ZNF385B: variants seen among roughly 807,000 people sequenced by gnomAD.
The protein encoded by ZNF385B is zinc finger protein 385B.
ZNF385B carries 23 observed loss-of-function variants against 39.2 expected under a neutral mutation model. The ratio of observed to expected loss-of-function variants is 0.59; its 90% CI spans 0.42 to 0.83. The LOEUF (loss-of-function observed/expected upper bound fraction) is 0.83. Among genes scored for constraint, ZNF385B ranks in the 40% least tolerant of loss-of-function variants. ZNF385B has a pLI of 0.00. For synonymous variants in ZNF385B, 205 were observed against 222.6 expected (o/e 0.92, Z 0.70); for missense variants, 552 against 598.9 (o/e 0.92, Z 0.82).
chr2:179,858,738 C>G (rs1684796317), intron 1 of ZNF385B, among the ~76,000 whole-genome samples: 1 of 152,122 alleles, frequency 6.6e-6, no homozygotes, highest in African/African-American at 2.4e-5. Flanking sequence ...CAGACACACA[C>G]TCCCTGTTCT....
chr2:179,658,709 C>A (rs766601415), intron 3 of ZNF385B, among the ~76,000 whole-genome samples: 101 of 152,306 alleles, frequency 6.6e-4, no homozygotes, highest in South Asian at 1.2e-3. Context: ...GTAAAAGTAT[C>A]ATTTAAGCTA....
At position 179,828,643 on chromosome 2, in the gene ZNF385B, G is replaced by C. The variant is rs189775365; in HGVS notation, c.-155+32458C>G. Among the ~76,000 whole-genome samples the C allele has an allele frequency of 4.5e-3, 682 of 152,188 alleles. 4 individuals carry two copies. Among genetic ancestry groups the C allele is most frequent in the Admixed American group, 0.012 (191 of 15,296 alleles). ...AAAGGGAAGATTTGGATAAGAAAAG[G>C]CTCCTGGTTTTCATGAAGTTTGAGA... On this transcript the variant is annotated intron_variant, in intron 1 of 9. Transcript: ENST00000410066.
At position 179,680,511 on chromosome 2, in the gene ZNF385B, G is replaced by A. The variant is rs1016089634; in HGVS notation, c.298+88992C>T. Among the ~76,000 whole-genome samples, 13 of 152,162 alleles carry A rather than the reference G, an allele frequency of 8.5e-5. No homozygotes were observed. The South Asian group carries it at 1.0e-3, about 12-fold the overall frequency. Reference sequence around the variant, plus strand: ...GTTATTGGTTTATAACAGAGCATACGGGGACCTTCTGATTGCTGGTAATGT... The same window carrying A: ...GTTATTGGTTTATAACAGAGCATACAGGGACCTTCTGATTGCTGGTAATGT... On this transcript the variant is annotated intron_variant, in intron 3 of 9. Transcript: ENST00000410066.
chr2:179,626,663 T>C (rs1337137027), intron 3 of ZNF385B, among the ~76,000 whole-genome samples: 3 of 152,148 alleles, frequency 2.0e-5, no homozygotes, highest in African/African-American at 4.8e-5. Flanking sequence ...AATTCAGTAA[T>C]CTTGAAAACT....
At chr2:179,676,271 G>A (rs895001850) in intron 3 of ZNF385B, among the ~76,000 whole-genome samples, 1 of 151,924 alleles carries the variant, frequency 6.6e-6, no homozygotes, top group Non-Finnish European at 1.5e-5. Flanking sequence ...TGTATTTTTA[G>A]TAGAGATGGG....
At chr2:179,443,508 G>C in intron 9 of ZNF385B, 40 bp from the exon 10 acceptor site, 1 of 1,481,216 alleles carries the variant, frequency 6.8e-7, no homozygotes, top group East Asian at 2.4e-5. Context: ...TGGAGATCCT[G>C]TTTTTGAATA....
intron 3 of ZNF385B, among the ~76,000 whole-genome samples, chr2:179,704,681 G>C (rs1699454937): frequency 6.6e-6 from 1 of 152,174 alleles, no homozygotes; most frequent in Non-Finnish European, 1.5e-5. Context: ...CCAATGAGCA[G>C]ATGCCAGGGC....
At chr2:179,483,529 C>A in intron 5 of ZNF385B, 95 bp from the exon 6 acceptor site, 1 of 1,511,336 alleles carries the variant, frequency 6.6e-7, no homozygotes, top group Non-Finnish European at 9.1e-7. Context: ...ATCATAGGCA[C>A]CACAGACATT....
At chr2:179,539,020 CACTT>C (rs1199203026) in intron 4 of ZNF385B, among the ~76,000 whole-genome samples, 2 of 152,182 alleles carry the variant, frequency 1.3e-5, no homozygotes, top group East Asian at 1.9e-4. Flanking sequence ...AAATAAACTT[CACTT>C]ACTTACTGTC....
intron 3 of ZNF385B, among the ~76,000 whole-genome samples, chr2:179,722,330 C>G (rs1371906791): frequency 6.6e-6 from 1 of 152,078 alleles, no homozygotes; most frequent in Non-Finnish European, 1.5e-5. Flanking sequence ...GTGCTTTGCT[C>G]AGTCAGCTGT....
At chr2:179,577,338 G>A (rs992728364) in intron 3 of ZNF385B, among the ~76,000 whole-genome samples, 3 of 152,086 alleles carry the variant, frequency 2.0e-5, no homozygotes, top group Non-Finnish European at 4.4e-5. Context: ...GAACTCATTA[G>A]AGAATACTTG....
intron 3 of ZNF385B, chr2:179,585,865 CACCTTTGCCAA>C (rs1687026054): frequency 6.6e-6 from 1 of 152,258 alleles, no homozygotes. Context: ...TTTCCTTGCT[CACCTTTGCCAA>C]GCCTTTGCCA....
At chr2:179,493,369 TTG>T (rs1292998991) in intron 5 of ZNF385B, among the ~76,000 whole-genome samples, 7 of 126,364 alleles carry the variant, frequency 5.5e-5, no homozygotes, top group East Asian at 2.8e-4. Context: ...ATATGTAGGT[TTG>T]TGTGCGCGCG....
intron 5 of ZNF385B, among the ~76,000 whole-genome samples, chr2:179,495,519 C>T (rs1176021604): frequency 6.6e-6 from 1 of 152,186 alleles, no homozygotes; most frequent in East Asian, 1.9e-4. Flanking sequence ...ACATAGGCAG[C>T]AGCCATGGAG....
At position 179,443,425 on chromosome 2, in the gene ZNF385B, G is replaced by A. The variant is rs748681414; in HGVS notation, c.1286C>T (p.Pro429Leu). 2 of 1,609,652 alleles carry A rather than the reference G, an allele frequency of 1.2e-6. No individual in the cohort carries two copies. Among genetic ancestry groups the A allele is most frequent in the Non-Finnish European group, 1.7e-6 (2 of 1,178,036 alleles). Reference sequence around the variant, plus strand: ...TGCGAGAGGTGAGGACAGGAAGGCTGGGGCCAAAGGCTTCATCATATCTTT... The same window carrying A: ...TGCGAGAGGTGAGGACAGGAAGGCTAGGGCCAAAGGCTTCATCATATCTTT... ...FQKDMMKPLAPAFLSSPLAAA... is the reference protein window; with the variant it reads ...FQKDMMKPLALAFLSSPLAAA... The change falls in exon 10 of 10, where the codon CCA (proline) becomes CTA (leucine). Residue 429 changes from proline to leucine, a missense_variant. Coordinates refer to ENST00000410066, the MANE Select transcript of ZNF385B (RefSeq NM_152520.6).
intron 3 of ZNF385B, among the ~76,000 whole-genome samples, chr2:179,588,668 A>C (rs1366700489): frequency 6.6e-6 from 1 of 152,158 alleles, no homozygotes; most frequent in African/African-American, 2.4e-5. Context: ...CTGAGCAGAC[A>C]TCCCGGACTG....
At chr2:179,708,591 T>A (rs1699784574) in intron 3 of ZNF385B, among the ~76,000 whole-genome samples, 2 of 152,174 alleles carry the variant, frequency 1.3e-5, no homozygotes, top group African/African-American at 2.4e-5. Context: ...ATATTTAGTA[T>A]ACATGGCTCT....
chr2:179,821,066 TTC>T (rs1707368166), intron 1 of ZNF385B, among the ~76,000 whole-genome samples: 1 of 152,200 alleles, frequency 6.6e-6, no homozygotes, highest in Admixed American at 6.5e-5. Flanking sequence ...GAATACTTTT[TTC>T]TTTTTCCTAC....
At chr2:179,526,731 C>T (rs999553276) in intron 4 of ZNF385B, among the ~76,000 whole-genome samples, 1 of 152,196 alleles carries the variant, frequency 6.6e-6, no homozygotes, top group African/African-American at 2.4e-5. Context: ...ACTGCTTCTC[C>T]TACCCAGAGC....
Sources: allele counts gnomAD v4.1 joint callset (sites outside exome capture counted in the v4.1 genomes callset), GRCh38; gene constraint gnomAD v4.1.1; transcripts MANE v1.5; gene names NCBI Gene and HGNC (gene_info 2026-07-23, HGNC 2026-07-21).